UBE2H: variants seen among roughly 807,000 people sequenced by gnomAD.
UBE2H encodes ubiquitin conjugating enzyme E2 H.
UBE2H carries 3 observed loss-of-function variants against 29.0 expected under a neutral mutation model. That is an observed-to-expected ratio of 0.10 (90% CI 0.05 to 0.27). The LOEUF is 0.27. Ranked by LOEUF, UBE2H falls within the 10% of genes least tolerant of loss-of-function variation. The probability of loss-of-function intolerance (pLI) is 1.00; values close to 1 mark genes in which losing one functional copy is unlikely to be tolerated. For synonymous variants in UBE2H, 69 were observed against 82.9 expected, an observed-to-expected ratio of 0.83 and a Z score of 0.91; for missense variants, 68 against 228.2, an observed-to-expected ratio of 0.30 and a Z score of 4.52.
chr7:129,865,980 C>T (rs188480176), intron 3 of UBE2H, among the ~76,000 whole-genome samples: 8 of 152,262 alleles, frequency 5.3e-5, no homozygotes, highest in Admixed American at 2.6e-4. Flanking sequence ...TAGTGACAGA[C>T]ATTGGCCAGC....
rs184062065 is a variant in UBE2H, at chr7:129,945,726, G to A, written c.53+6777C>T. On this transcript the variant is annotated intron_variant, in intron 1 of 6. Coordinates refer to ENST00000355621, the MANE Select transcript of UBE2H (RefSeq NM_003344.4). Reference sequence around the variant, plus strand: ...TAAATCAATGGCACAGCCATGGGATGGCATATTACATGAGCTACTTTTTTT... The same window carrying A: ...TAAATCAATGGCACAGCCATGGGATAGCATATTACATGAGCTACTTTTTTT... Among the ~76,000 whole-genome samples the A allele has an allele frequency of 2.3e-3, 347 of 152,210 alleles. 8 individuals are homozygous for A. Among genetic ancestry groups the A allele is most frequent in the Admixed American group, 0.016 (240 of 15,280 alleles).
At chr7:129,943,487 T>C (rs1237983872) in intron 1 of UBE2H, among the ~76,000 whole-genome samples, 1 of 152,198 alleles carries the variant, frequency 6.6e-6, no homozygotes. Flanking sequence ...CAGCTAGAAA[T>C]CAATGCTTTA....
chr7:129,873,406 A>G (rs1475377412), intron 3 of UBE2H, among the ~76,000 whole-genome samples: 1 of 146,176 alleles, frequency 6.8e-6, no homozygotes, highest in Non-Finnish European at 1.5e-5. Context: ...TTCTTGCTTC[A>G]TGCCACTAAC....
At chr7:129,940,218 TA>T (rs1004313437) in intron 1 of UBE2H, among the ~76,000 whole-genome samples, 3 of 152,132 alleles carry the variant, frequency 2.0e-5, no homozygotes, top group African/African-American at 7.2e-5. Flanking sequence ...TGCCTAATAC[TA>T]AAAAGGAAAT....
chr7:129,928,090 TG>T, intron 1 of UBE2H, among the ~76,000 whole-genome samples: 1 of 150,960 alleles, frequency 6.6e-6, no homozygotes, highest in African/African-American at 2.4e-5. Flanking sequence ...CCCAATACTT[TG>T]GGAGGCTGAG....
At chr7:129,862,033 T>C (rs549334138) in intron 3 of UBE2H, among the ~76,000 whole-genome samples, 3 of 152,294 alleles carry the variant, frequency 2.0e-5, no homozygotes, top group South Asian at 4.1e-4. Context: ...GTTCAAATAA[T>C]ACAAATTCAT....
At chr7:129,865,708 TAA>T (rs3840551) in intron 3 of UBE2H, among the ~76,000 whole-genome samples, 1 of 152,212 alleles carries the variant, frequency 6.6e-6, no homozygotes, top group East Asian at 1.9e-4. Context: ...GTGAATACAT[TAA>T]GTCATTCTGA....
chr7:129,864,508 T>C (rs527650320), intron 3 of UBE2H, among the ~76,000 whole-genome samples: 1 of 152,208 alleles, frequency 6.6e-6, no homozygotes, highest in East Asian at 1.9e-4. Context: ...TTAATCTTCA[T>C]GATTTAAGAT....
chr7:129,852,546 G>C (rs528892112), intron 5 of UBE2H, among the ~76,000 whole-genome samples: 4 of 151,950 alleles, frequency 2.6e-5, no homozygotes, highest in Admixed American at 2.6e-4. Flanking sequence ...AATTTTATTT[G>C]CCTGTTACTA....
intron 1 of UBE2H, among the ~76,000 whole-genome samples, chr7:129,947,745 A>T (rs1332797605): frequency 2.3e-4 from 3 of 13,222 alleles, no homozygotes; most frequent in African/African-American, 2.6e-4. Flanking sequence ...GTCCTTTCCG[A>T]CTAAAAAAGT....
intron 1 of UBE2H, among the ~76,000 whole-genome samples, chr7:129,943,819 T>C (rs1483378070): frequency 3.3e-5 from 5 of 151,752 alleles, no homozygotes; most frequent in African/African-American, 1.2e-4. Context: ...GGAGAATCGC[T>C]TGAACTCAGG....
intron 5 of UBE2H, among the ~76,000 whole-genome samples, chr7:129,845,170 G>A (rs931524143): frequency 6.6e-6 from 1 of 152,170 alleles, no homozygotes; most frequent in Non-Finnish European, 1.5e-5. Flanking sequence ...ACTTAGTCTA[G>A]AGCAGTGGTT....
rs557628527 is a variant in UBE2H at position 129,944,679 on chromosome 7, T to A, written c.53+7824A>T. 2.0e-5 allele frequency among the ~76,000 whole-genome samples: 3 copies of A among 149,938 alleles called. No individual in the cohort carries two copies. The East Asian group carries it at 5.9e-4, about 30-fold the overall frequency. ...CTCTCATCTGGGCAACAGAGTGAAA[T>A]CCTGTCTCAAAACACACACGTGCGC... On this transcript the variant is annotated intron_variant, in intron 1 of 6. Transcript: ENST00000355621.
chr7:129,851,551 G>GT (rs891579912), intron 5 of UBE2H, among the ~76,000 whole-genome samples: 7 of 152,256 alleles, frequency 4.6e-5, no homozygotes, highest in African/African-American at 1.7e-4. Flanking sequence ...CTCAGTAATC[G>GT]TAAGTGAATG....
Position 129,841,435 on chromosome 7 carries a change from G to A in UBE2H, c.299-2100C>T, listed in dbSNP as rs934088401. Among the ~76,000 whole-genome samples the A allele has an allele frequency of 2.0e-5, 3 of 152,322 alleles. No individual in the cohort carries two copies. In the East Asian group the frequency reaches 5.8e-4, roughly 29 times the overall value. On this transcript the variant is annotated intron_variant, in intron 5 of 6. Transcript: ENST00000355621. ...CCGAACTTTCTGCAGTGATAAAAAT[G>A]TTTTATATGTGCTCACCTAAACCAA...
intron 4 of UBE2H, among the ~76,000 whole-genome samples, chr7:129,858,014 A>C (rs1177423888): frequency 6.6e-6 from 1 of 152,234 alleles, no homozygotes; most frequent in African/African-American, 2.4e-5. Context: ...ATAAAAGATA[A>C]AGGCAGGCTG....
At chr7:129,864,552 C>CTTTTTTTT (rs757244811) in intron 3 of UBE2H, among the ~76,000 whole-genome samples, 9 of 75,666 alleles carry the variant, frequency 1.2e-4, no homozygotes, top group Non-Finnish European at 1.8e-4. Flanking sequence ...TTTTTCTTTT[C>CTTTTTTTT]TTTCTTTTTT....
chr7:129,910,119 G>A (rs984157318), intron 1 of UBE2H, among the ~76,000 whole-genome samples: 10 of 151,904 alleles, frequency 6.6e-5, no homozygotes, highest in South Asian at 2.1e-4. Flanking sequence ...ACCTGAGGTC[G>A]GGAGTTCGAG....
At chr7:129,930,022 C>CA (rs765298992) in intron 1 of UBE2H, among the ~76,000 whole-genome samples, 19 of 151,618 alleles carry the variant, frequency 1.3e-4, no homozygotes, top group African/African-American at 3.6e-4. Context: ...CAAAACAAAA[C>CA]AAAAAAAACG....
Sources: allele counts gnomAD v4.1 joint callset (sites outside exome capture counted in the v4.1 genomes callset), GRCh38; gene constraint gnomAD v4.1.1; transcripts MANE v1.5; gene names NCBI Gene and HGNC (gene_info 2026-07-23, HGNC 2026-07-21).